KIAA1549: variants seen among roughly 807,000 people sequenced by gnomAD.
KIAA1549 encodes KIAA1549, also known as UPF0606 protein KIAA1549.
KIAA1549 carries 70 observed loss-of-function variants against 156.4 expected under a neutral mutation model. The ratio of observed to expected loss-of-function variants is 0.45; its 90% CI spans 0.37 to 0.55. The LOEUF is 0.55. Ranked by LOEUF, KIAA1549 falls within the 20% of genes least tolerant of loss-of-function variation. KIAA1549 has a pLI of 0.00. For missense variants in KIAA1549, 2,428 were observed against 2,540.9 expected, an observed-to-expected ratio of 0.96 and a Z score of 0.96; for synonymous variants, 1,103 against 1,066.4, an observed-to-expected ratio of 1.03 and a Z score of -0.67.
At chr7:138,931,839 T>C (rs1812882292) in intron 1 of KIAA1549, among the ~76,000 whole-genome samples, 1 of 152,108 alleles carries the variant, frequency 6.6e-6, no homozygotes, top group Non-Finnish European at 1.5e-5. Context: ...TTCACGTGTA[T>C]ATATTTTAAG....
intron 10 of KIAA1549, among the ~76,000 whole-genome samples, chr7:138,883,958 G>T (rs888164972): frequency 6.6e-6 from 1 of 152,144 alleles, no homozygotes; most frequent in African/African-American, 2.4e-5. Flanking sequence ...CAGCCCCAAG[G>T]TAGCTGCAGG....
At chr7:138,884,669 C>A (rs1463778058) in intron 10 of KIAA1549, among the ~76,000 whole-genome samples, 1 of 152,170 alleles carries the variant, frequency 6.6e-6, no homozygotes, top group African/African-American at 2.4e-5. Context: ...TAACCTGACT[C>A]TGGTATAGCA....
intron 1 of KIAA1549, among the ~76,000 whole-genome samples, chr7:138,925,013 C>T (rs965194344): frequency 6.6e-6 from 1 of 152,172 alleles, no homozygotes; most frequent in Non-Finnish European, 1.5e-5. Context: ...AAGTAGCCAG[C>T]GCTGAGGCCT....
At chr7:138,911,654 A>T (rs1812173025) in intron 3 of KIAA1549, among the ~76,000 whole-genome samples, 1 of 152,266 alleles carries the variant, frequency 6.6e-6, no homozygotes, top group African/African-American at 2.4e-5. Flanking sequence ...TATGCAATTT[A>T]AAAATTTCTA....
rs190345744 is a variant in KIAA1549 at position 138,899,181 on chromosome 7, A to G, written c.3670-49T>C. On this transcript the variant is annotated intron_variant, in intron 8 of 19. Transcript: ENST00000422774. ...ACATTGCAGAAGCTCATGTTTCTAGATGCCCTCTCTCAGGTTGCTGAATCC... is the reference window on the plus strand; with the variant it reads ...ACATTGCAGAAGCTCATGTTTCTAGGTGCCCTCTCTCAGGTTGCTGAATCC... 1.2e-5 allele frequency: 18 copies of G among 1,549,076 alleles called. No homozygotes were observed. In the East Asian group the frequency reaches 3.8e-4, roughly 33 times the overall value.
intron 4 of KIAA1549, among the ~76,000 whole-genome samples, chr7:138,910,159 A>G (rs965254521): frequency 1.3e-4 from 20 of 152,214 alleles, no homozygotes; most frequent in Non-Finnish European, 2.5e-4. Flanking sequence ...GGTTGAAGAC[A>G]TATGAGTACA....
At chr7:138,964,576 CCT>C (rs1328515474) in intron 1 of KIAA1549, among the ~76,000 whole-genome samples, 1 of 152,150 alleles carries the variant, frequency 6.6e-6, no homozygotes. Context: ...CAGCTCAGCC[CCT>C]GAGACTGCTG....
intron 1 of KIAA1549, among the ~76,000 whole-genome samples, chr7:138,948,616 C>T (rs1813401640): frequency 6.6e-6 from 1 of 151,742 alleles, no homozygotes; most frequent in South Asian, 2.1e-4. Context: ...TGACCTCTCC[C>T]TACAGCCAAG....
intron 12 of KIAA1549, among the ~76,000 whole-genome samples, chr7:138,872,161 G>T (rs534520051): frequency 6.6e-6 from 1 of 152,058 alleles, no homozygotes; most frequent in Non-Finnish European, 1.5e-5. Context: ...TGTCCAAGTT[G>T]GTCTTGAACT....
intron 18 of KIAA1549, 44 bp from the exon 19 acceptor site, chr7:138,840,322 G>C: frequency 2.6e-6 from 4 of 1,565,348 alleles, no homozygotes; most frequent in Non-Finnish European, 3.5e-6. Flanking sequence ...ATTTATAGGA[G>C]AGTATGGCTG....
intron 1 of KIAA1549, among the ~76,000 whole-genome samples, chr7:138,934,401 G>T (rs1812951143): frequency 6.8e-6 from 1 of 146,896 alleles, no homozygotes; most frequent in South Asian, 2.1e-4. Flanking sequence ...TACAGTATTT[G>T]CTACTAAAAA....
chr7:138,905,905 C>T (rs1245675356), intron 6 of KIAA1549, among the ~76,000 whole-genome samples: 1 of 152,158 alleles, frequency 6.6e-6, no homozygotes, highest in African/African-American at 2.4e-5. Flanking sequence ...ACATAATCAT[C>T]ACCACAATGA....
chr7:138,882,336 C>T (rs914283322), intron 10 of KIAA1549, among the ~76,000 whole-genome samples: 35 of 152,176 alleles, frequency 2.3e-4, no homozygotes, highest in African/African-American at 8.4e-4. Flanking sequence ...GAGAAAGAAG[C>T]CATTGAGGAC....
At chr7:138,978,924 C>A (rs997906115) in intron 1 of KIAA1549, among the ~76,000 whole-genome samples, 3 of 152,226 alleles carry the variant, frequency 2.0e-5, no homozygotes, top group African/African-American at 7.2e-5. Flanking sequence ...GGAAGCCACC[C>A]TCCACCAAGA....
At position 138,851,777 on chromosome 7, in the gene KIAA1549, T is replaced by G. The variant is rs114311466; in HGVS notation, c.5294+446A>C. Among the ~76,000 whole-genome samples, 897 of 152,330 alleles carry G rather than the reference T, an allele frequency of 5.9e-3. 10 individuals carry two copies. Among genetic ancestry groups the G allele is most frequent in the African/African-American group, 0.02 (851 of 41,568 alleles). On this transcript the variant is annotated intron_variant, in intron 17 of 19. Transcript: ENST00000422774. ...AACCTCCAAACTCAAAACCTCTGGA[T>G]GTTTACCAGGGTCTCCCCTCGTGCT... is the stretch of plus-strand genomic sequence containing the variant.
intron 18 of KIAA1549, among the ~76,000 whole-genome samples, chr7:138,840,920 G>C (rs113272800): frequency 0.012 from 1,764 of 152,276 alleles, 45 homozygotes; most frequent in African/African-American, 0.04. Flanking sequence ...AAGGACAAGG[G>C]ATCATGACTT....
At chr7:138,911,017 C>G (rs1376388111) in intron 4 of KIAA1549, 129 bp downstream of exon 4, 1 of 771,272 alleles carries the variant, frequency 1.3e-6, no homozygotes, top group African/African-American at 1.8e-5. Flanking sequence ...GGGCAACAGA[C>G]TGAGATCCTG....
At chr7:138,973,202 C>T (rs934252267) in intron 1 of KIAA1549, among the ~76,000 whole-genome samples, 15 of 152,222 alleles carry the variant, frequency 9.9e-5, no homozygotes, top group African/African-American at 3.4e-4. Context: ...TCCACCAACC[C>T]TCCTGCCACC....
At chr7:138,905,513 C>A (rs1176315373) in intron 6 of KIAA1549, among the ~76,000 whole-genome samples, 1 of 152,260 alleles carries the variant, frequency 6.6e-6, no homozygotes, top group African/African-American at 2.4e-5. Flanking sequence ...ACACTGAGCA[C>A]AACTGAAAGC....
Sources: allele counts gnomAD v4.1 joint callset (sites outside exome capture counted in the v4.1 genomes callset), GRCh38; gene constraint gnomAD v4.1.1; transcripts MANE v1.5; gene names NCBI Gene and HGNC (gene_info 2026-07-23, HGNC 2026-07-21).